SMARCA4: variants seen among roughly 807,000 people sequenced by gnomAD.
SMARCA4 encodes SWI/SNF related BAF chromatin remodeling complex subunit ATPase 4.
SMARCA4 carries 31 observed loss-of-function variants against 193.9 expected under a neutral mutation model. The ratio of observed to expected loss-of-function variants is 0.16; its 90% confidence interval spans 0.12 to 0.22. The LOEUF (loss-of-function observed/expected upper bound fraction) is 0.22, where lower values mean the gene tolerates loss of function less well. Among genes scored for constraint, SMARCA4 ranks in the 10% least tolerant of loss-of-function variants. The probability of loss-of-function intolerance (pLI) is 1.00; values close to 1 mark genes in which losing one functional copy is unlikely to be tolerated. For synonymous variants in SMARCA4, 942 were observed against 933.1 expected, an observed-to-expected ratio of 1.01 and a Z score of -0.17; for missense variants, 1,148 against 2,296.0, an observed-to-expected ratio of 0.50 and a Z score of 10.22.
At position 11,033,085 on chromosome 19, in the gene SMARCA4, G is replaced by C. The variant is rs931446406; in HGVS notation, c.3547-205G>C. ...TAGAAGGTGGCACTTCTGGAGGAAC[G>C]TGATGAGAGTCCCCTTCCCCCGAGG... On this transcript the variant is annotated intron_variant, in intron 25 of 34. Coordinates refer to ENST00000344626, the MANE Select transcript of SMARCA4 (RefSeq NM_003072.5). The surrounding 1 kb of genome is among the most constrained non-coding windows in gnomAD (Gnocchi z 9.8). The C allele has an allele frequency of 9.3e-6, 6 of 647,794 alleles. No homozygotes were observed. Among genetic ancestry groups the C allele is most frequent in the Non-Finnish European group, 1.7e-5 (6 of 355,272 alleles). The allele number at this position is 647,794 out of a possible 1,614,324, so 40.1% of individuals were successfully genotyped here. A position where few individuals can be genotyped will look rare whatever the true frequency, so the allele number is the denominator to read the frequency against.
chr19:10,962,974 C>G (rs891303025), intron 1 of SMARCA4, among the ~76,000 whole-genome samples: 2 of 152,178 alleles, frequency 1.3e-5, no homozygotes, highest in African/African-American at 4.8e-5. Flanking sequence ...GTCTGCCTGG[C>G]TGGCCCCACA....
At chr19:11,002,842 A>G (rs1467946325) in intron 11 of SMARCA4, among the ~76,000 whole-genome samples, 187 bp from the exon 12 acceptor site, 1 of 151,502 alleles carries the variant, frequency 6.6e-6, no homozygotes, top group African/African-American at 2.4e-5. Flanking sequence ...GTGTCAGCCA[A>G]GGTTGATGGG....
In SMARCA4 at chr19:11,035,068, G is replaced by A. The variant is rs1388796557; in HGVS notation, c.4106G>A (p.Arg1369His). The A allele has an allele frequency of 5.0e-6, 8 of 1,612,788 alleles. No homozygotes were observed. Among genetic ancestry groups the A allele is most frequent in the Admixed American group, 1.7e-5 (1 of 59,986 alleles). ...CEEEEEKMFG[R>H]GSRHRKEVDY... ...GAGGAGGAGGAGAAGATGTTCGGCC[G>A]TGGCTCCCGCCACCGCAAGGAGGTG... is the stretch of plus-strand genomic sequence containing the variant. The change falls in exon 29 of 35, where the codon CGT becomes CAT. Residue 1369 changes from arginine to histidine, a missense_variant. By Grantham distance (29) the Arg-to-His change is conservative. Around this residue, in one of 17 missense-constraint regions of SMARCA4, gnomAD observed 84 missense variants for 202.2 expected, o/e 0.42. Coordinates refer to ENST00000344626, the MANE Select transcript of SMARCA4 (RefSeq NM_003072.5).
Position 10,996,473 on chromosome 19 carries a change from C to T in SMARCA4, c.1762-21C>T, listed in dbSNP as rs186588958. ...TCAGCCTTGTGGGTCAGGGCCTGAC[C>T]GTGTCTCTCTCTATTTCCAGAAGGC... is the stretch of plus-strand genomic sequence containing the variant. On this transcript the variant is annotated intron_variant, in intron 10 of 34. Coordinates refer to ENST00000344626, the MANE Select transcript of SMARCA4 (RefSeq NM_003072.5). 2.6e-4 allele frequency: 413 copies of T among 1,614,110 alleles called. 1 individual carries two copies. In the African/African-American group the frequency reaches 4.7e-3, roughly 18 times the overall value.
intron 18 of SMARCA4, chr19:11,021,327 A>T (rs1409263960): frequency 1.1e-5 from 4 of 360,184 alleles, no homozygotes; most frequent in Non-Finnish European, 2.2e-5. Context: ...TACCGTCACC[A>T]ACCCAGTTCC....
intron 34 of SMARCA4, among the ~76,000 whole-genome samples, chr19:11,061,263 C>T (rs193151408): frequency 1.4e-3 from 203 of 140,322 alleles, no homozygotes; most frequent in Non-Finnish European, 2.7e-3. Context: ...AGATCTTTCA[C>T]AGTCAGGAAG....
chr19:10,995,496 C>T (rs934275516), intron 9 of SMARCA4: 3 of 456,592 alleles, frequency 6.6e-6, no homozygotes, highest in Middle Eastern at 3.3e-4. Context: ...GGATGGTGAC[C>T]GCTACAGTGA....
At chr19:10,982,641 A>C (rs1438298112) in intron 1 of SMARCA4, among the ~76,000 whole-genome samples, 3 of 151,728 alleles carry the variant, frequency 2.0e-5, no homozygotes, top group Admixed American at 2.0e-4. Context: ...CTGGGACTAC[A>C]GGTGCCTGCC....
chr19:11,019,194 T>A lies in SMARCA4; in HGVS notation c.2505+171T>A. 1.4e-6 allele frequency: 1 copy of A among 700,218 alleles called. No individual in the cohort carries two copies. Among genetic ancestry groups the A allele is most frequent in the Non-Finnish European group, 2.6e-6 (1 of 384,350 alleles). The allele number at this position is 700,218 out of a possible 1,614,324, so 43.4% of individuals were successfully genotyped here. On this transcript the variant is annotated intron_variant, in intron 17 of 34. Coordinates refer to ENST00000344626, the MANE Select transcript of SMARCA4 (RefSeq NM_003072.5). The surrounding 1 kb of genome is among the most constrained non-coding windows in gnomAD (Gnocchi z 6.1). Reference sequence around the variant, plus strand: ...GTCACATGGATCCGGGAGTTTGGACTGGGCAGGGACAGGGCAGATTAGCTC... The same window carrying A: ...GTCACATGGATCCGGGAGTTTGGACAGGGCAGGGACAGGGCAGATTAGCTC...
Position 11,019,833 on chromosome 19 carries a change from C to G in SMARCA4, c.2616+132C>G, listed in dbSNP as rs577864939. 20 of 722,742 alleles carry G rather than the reference C, an allele frequency of 2.8e-5. No individual in the cohort carries two copies. Among genetic ancestry groups the G allele is most frequent in the African/African-American group, 2.1e-4 (12 of 57,688 alleles). The allele number at this position is 722,742 out of a possible 1,614,324, so 44.8% of individuals were successfully genotyped here. ...CCTGCATGTGCGTGAAGACAGCTGC[C>G]CTGTGTAGGGGAAAGGCCTAGGTGG... On this transcript the variant is annotated intron_variant, in intron 18 of 34. Coordinates refer to ENST00000344626, the MANE Select transcript of SMARCA4 (RefSeq NM_003072.5). This position sits in a 1 kb window ranked among gnomAD's most constrained non-coding sequence, Gnocchi z 6.1.
chr19:10,970,989 G>A (rs916656992), intron 1 of SMARCA4, among the ~76,000 whole-genome samples: 9 of 151,976 alleles, frequency 5.9e-5, no homozygotes, highest in East Asian at 1.9e-4. Context: ...ACCTGAGGTC[G>A]GGAGTTTGAG....
At chr19:11,045,077 T>C (rs1184520692) in intron 30 of SMARCA4, among the ~76,000 whole-genome samples, 1 of 152,162 alleles carries the variant, frequency 6.6e-6, no homozygotes, top group African/African-American at 2.4e-5. Flanking sequence ...TCCCAGCACT[T>C]TGGGAGGCCG....
rs1036950774 is a variant in SMARCA4 at position 10,986,693 on chromosome 19, C to T, written c.760+100C>T. ...GTGCTCTGTTGCCGACTGGGTTCCC[C>T]GGTTTGGGATTGCACGGGCCCATAC... On this transcript the variant is annotated intron_variant, in intron 4 of 34. Transcript: ENST00000344626. The surrounding 1 kb of genome is among the most constrained non-coding windows in gnomAD (Gnocchi z 6.7). 49 of 1,512,442 alleles carry T rather than the reference C, an allele frequency of 3.2e-5. No homozygotes were observed. Among genetic ancestry groups the T allele is most frequent in the South Asian group, 6.0e-5 (5 of 82,744 alleles). The allele number at this position is 1,512,442 out of a possible 1,614,324, so 93.7% of individuals were successfully genotyped here.
intron 1 of SMARCA4, among the ~76,000 whole-genome samples, chr19:10,963,884 A>G (rs949575480): frequency 6.1e-4 from 93 of 151,890 alleles, no homozygotes; most frequent in African/African-American, 2.0e-3. Flanking sequence ...GCAGTGGACC[A>G]TGATTGAGCC....
chr19:11,019,911 G>C lies in SMARCA4; in HGVS notation c.2616+210G>C, dbSNP rs983196001. On this transcript the variant is annotated intron_variant, in intron 18 of 34. Transcript: ENST00000344626. The surrounding 1 kb of genome is among the most constrained non-coding windows in gnomAD (Gnocchi z 6.1). ...TGTCTCCAGGCAGGCCCTGAGTCAGGCCCAGAAGCTGGGGCCATCTACACA... is the reference window on the plus strand; with the variant it reads ...TGTCTCCAGGCAGGCCCTGAGTCAGCCCCAGAAGCTGGGGCCATCTACACA... 6.6e-6 allele frequency among the ~76,000 whole-genome samples: 1 copy of C among 151,964 alleles called. No individual in the cohort carries two copies. Among genetic ancestry groups the C allele is most frequent in the Non-Finnish European group, 1.5e-5 (1 of 67,960 alleles).
chr19:10,984,266 G>A lies in SMARCA4; in HGVS notation c.115G>A (p.Ala39Thr), dbSNP rs764312409. Residue 39 changes from alanine (A) to threonine (T), a missense_variant, in exon 2 of 35, where the codon GCC (alanine) becomes ACC (threonine). Physicochemically the swap from Ala to Thr is moderately conservative, Grantham distance 58. Transcript: ENST00000344626. The surrounding 1 kb of genome is among the most constrained non-coding windows in gnomAD (Gnocchi z 4.3). Reference sequence around the variant, plus strand: ...TAGCCCGGGTCCCTCGCCGGGCTCCGCCCACAGCATGATGGGGCCCAGCCC... The same window carrying A: ...TAGCCCGGGTCCCTCGCCGGGCTCCACCCACAGCATGATGGGGCCCAGCCC... ...GPSPGPSPGS[A>T]HSMMGPSPGP... 98 of 1,610,890 alleles carry A rather than the reference G, an allele frequency of 6.1e-5. No homozygotes were observed. The highest frequency in any genetic ancestry group is 4.2e-4 in the Admixed American group (25 of 59,722).
At position 11,030,633 on chromosome 19, in the gene SMARCA4, T is replaced by G; in HGVS notation, c.3383-97T>G. 8.7e-7 allele frequency: 1 copy of G among 1,146,026 alleles called. No individual in the cohort carries two copies. The allele number at this position is 1,146,026 out of a possible 1,614,324, so 71.0% of individuals were successfully genotyped here. A position where few individuals can be genotyped will look rare whatever the true frequency, so the allele number is the denominator to read the frequency against. On this transcript the variant is annotated intron_variant, in intron 24 of 34. Coordinates refer to ENST00000344626, the MANE Select transcript of SMARCA4 (RefSeq NM_003072.5). The surrounding 1 kb of genome is among the most constrained non-coding windows in gnomAD (Gnocchi z 5.5). ...GGGATCTGGGGATGCTGGCAGGTGCTGATCCTGCTCCTGCTCTCAGAAGCA... is the reference window on the plus strand; with the variant it reads ...GGGATCTGGGGATGCTGGCAGGTGCGGATCCTGCTCCTGCTCTCAGAAGCA...
At position 11,019,014 on chromosome 19, in the gene SMARCA4, G is replaced by A. The variant is rs1344650799; in HGVS notation, c.2496G>A (p.Val832=). 2 of 1,613,740 alleles carry A rather than the reference G, an allele frequency of 1.2e-6. No individual in the cohort carries two copies. Among genetic ancestry groups the A allele is most frequent in the Non-Finnish European group, 1.7e-6 (2 of 1,179,692 alleles). Residue 832 remains valine (V), a synonymous_variant, in exon 17 of 35, where the codon GTG becomes GTA. Coordinates refer to ENST00000344626, the MANE Select transcript of SMARCA4 (RefSeq NM_003072.5). The surrounding 1 kb of genome is among the most constrained non-coding windows in gnomAD (Gnocchi z 6.1). ...FDKWAPSVVK[V]SYKGSPAARR... ...AGTGGGCCCCCTCCGTGGTGAAGGT[G>A]TCTTACAAGGTAGGTCACAGCCACT...
rs1369595899 is a variant in SMARCA4 at position 11,003,452 on chromosome 19, C to G, written c.2001+55C>G. On this transcript the variant is annotated intron_variant, in intron 13 of 34. Coordinates refer to ENST00000344626, the MANE Select transcript of SMARCA4 (RefSeq NM_003072.5). ...TCTCAGTGCCCACTGGCAGTGACTT[C>G]CACCCTGTGTGTTGTGACCGTCTCC... The G allele has an allele frequency of 2.0e-6, 3 of 1,482,550 alleles. No homozygotes were observed. The African/African-American group carries it at 4.1e-5, about 21-fold the overall frequency. 91.8% of individuals were successfully genotyped at this position (1,482,550 alleles called of 1,614,324 possible). A position where few individuals can be genotyped will look rare whatever the true frequency, so the allele number is the denominator to read the frequency against.
Sources: gnomAD v4.1 joint callset for allele counts (sites outside exome capture counted in the v4.1 genomes callset) on GRCh38, gnomAD v4.1.1 for gene constraint, gnomAD v4.1.1 regional missense constraint, Gnocchi (gnomAD v3.1) non-coding constraint, MANE v1.5 for transcripts, NCBI Gene and HGNC (gene_info 2026-07-23, HGNC 2026-07-21) for gene names.